Variants in PAFAH1B2 observed in about 807,000 individuals in gnomAD.
PAFAH1B2 encodes the protein platelet-activating factor acetylhydrolase IB subunit alpha2.
A neutral mutation model predicts 28.0 loss-of-function variants in PAFAH1B2; 8 were observed. That is an observed-to-expected ratio of 0.29 (90% CI 0.17 to 0.52). The LOEUF is 0.52. Ranked by LOEUF, PAFAH1B2 falls within the 20% of genes least tolerant of loss-of-function variation. The pLI, the probability that PAFAH1B2 is intolerant of heterozygous loss-of-function variation, is 0.97. For synonymous variants in PAFAH1B2, 104 were observed against 103.2 expected, an observed-to-expected ratio of 1.01 and a Z score of -0.05; for missense variants, 190 against 282.6, an observed-to-expected ratio of 0.67 and a Z score of 2.35.
chr11:117,159,736 GA>G (rs369169854), intron 2 of PAFAH1B2, 197 bp from the exon 3 acceptor site: 52,928 of 394,878 alleles, frequency 0.13, 94 homozygotes, highest in East Asian at 0.15. Flanking sequence ...CGCTGTCTTA[GA>G]AAAAAAAAAA....
downstream of PAFAH1B2, among the ~76,000 whole-genome samples, chr11:117,173,873 T>C (rs1232782273): frequency 1.3e-5 from 2 of 152,242 alleles, no homozygotes; most frequent in African/African-American, 2.4e-5. Flanking sequence ...GAGCTGCTTA[T>C]GTCTGGGACA....
chr11:117,153,066 A>C (rs1956187729), intron 2 of PAFAH1B2, among the ~76,000 whole-genome samples: 1 of 152,180 alleles, frequency 6.6e-6, no homozygotes, highest in Non-Finnish European at 1.5e-5. Context: ...CTGCATCTCA[A>C]AACAAACAAA....
At chr11:117,151,225 TTC>T (rs1246562001) in intron 1 of PAFAH1B2, among the ~76,000 whole-genome samples, 6 of 65,350 alleles carry the variant, frequency 9.2e-5, no homozygotes, top group African/African-American at 6.0e-5. Context: ...CTAAAATTTT[TTC>T]TTTTTCTTTT....
In PAFAH1B2 at chr11:117,169,519, C is replaced by G. The variant is rs768229136; in HGVS notation, c.*1820C>G. Reference sequence around the variant, plus strand: ...AGGGCTTACTGATGCGTGCTAAGACCGATTTCTGATTGAGGGATGAACCTT... The same window carrying G: ...AGGGCTTACTGATGCGTGCTAAGACGGATTTCTGATTGAGGGATGAACCTT... On this transcript the variant is annotated 3_prime_UTR_variant, in exon 6 of 6. Coordinates refer to ENST00000527958, the MANE Select transcript of PAFAH1B2 (RefSeq NM_002572.4). 4.7e-6 allele frequency: 5 copies of G among 1,054,304 alleles called. No homozygotes were observed. Among genetic ancestry groups the G allele is most frequent in the African/African-American group, 1.7e-5 (1 of 60,410 alleles). The allele number at this position is 1,054,304 out of a possible 1,614,324, so 65.3% of individuals were successfully genotyped here. A position where few individuals can be genotyped will look rare whatever the true frequency, so the allele number is the denominator to read the frequency against.
In PAFAH1B2 at chr11:117,168,446, G is replaced by GTTTTTTGTTT. The variant is rs1956565765; in HGVS notation, c.*753_*754insGTTTTTTTTT. On this transcript the variant is annotated 3_prime_UTR_variant, in exon 6 of 6. Transcript: ENST00000527958. ...TCCCCTTCATTCCCCCCGCCACCCC[G>GTTTTTTGTTT]TTTTTTTTTTTTTTTTTTTTTTTTT... 3.3e-4 allele frequency: 79 copies of GTTTTTTGTTT among 235,916 alleles called. No homozygotes were observed. Among genetic ancestry groups the GTTTTTTGTTT allele is most frequent in the Admixed American group, 1.4e-3 (2 of 1,394 alleles). The allele number at this position is 235,916 out of a possible 1,614,324, so 14.6% of individuals were successfully genotyped here. A position where few individuals can be genotyped will look rare whatever the true frequency, so the allele number is the denominator to read the frequency against.
At chr11:117,172,806 T>C (rs950111606), downstream of PAFAH1B2, among the ~76,000 whole-genome samples, 1 of 152,158 alleles carries the variant, frequency 6.6e-6, no homozygotes, top group African/African-American at 2.4e-5. Context: ...TGGATTCATG[T>C]AGTTCATGTG....
chr11:117,149,718 C>A (rs1305553996), intron 1 of PAFAH1B2, among the ~76,000 whole-genome samples: 1 of 151,904 alleles, frequency 6.6e-6, no homozygotes. Context: ...AGGTGTGAGC[C>A]ACCGTGCCCG....
chr11:117,172,384 ATATATATATATATATATATATTTTTT>A (rs1191296126), downstream of PAFAH1B2, among the ~76,000 whole-genome samples: 8 of 1,962 alleles, frequency 4.1e-3, 1 homozygote, highest in Admixed American at 0.04. Flanking sequence ...ATATATATAT[ATATATATATATATATATATATTTTTT>A]TTTTTTTTTT....
At chr11:117,164,819 A>G (rs1739110670) in intron 5 of PAFAH1B2, among the ~76,000 whole-genome samples, 1 of 151,874 alleles carries the variant, frequency 6.6e-6, no homozygotes, top group African/African-American at 2.4e-5. Context: ...GTGGATCACA[A>G]GGTCAGGATT....
chr11:117,175,408 G>A, downstream of PAFAH1B2: 1 of 1,071,346 alleles, frequency 9.3e-7, no homozygotes, highest in Non-Finnish European at 1.1e-6. Context: ...ACTGAGGAAA[G>A]TTCTGCAGAC....
Position 117,168,224 on chromosome 11 carries a change from G to T in PAFAH1B2, c.*525G>T. 1 of 1,058,210 alleles carries T rather than the reference G, an allele frequency of 9.4e-7. No individual in the cohort carries two copies. Among genetic ancestry groups the T allele is most frequent in the Non-Finnish European group, 1.1e-6 (1 of 874,150 alleles). The allele number at this position is 1,058,210 out of a possible 1,614,324, so 65.6% of individuals were successfully genotyped here. ...CATCAGGTTGAACATGCTTGTCATT[G>T]ATATATGGAAGATGCTATAGTTAGA... On this transcript the variant is annotated 3_prime_UTR_variant, in exon 6 of 6. Coordinates refer to ENST00000527958, the MANE Select transcript of PAFAH1B2 (RefSeq NM_002572.4).
At chr11:117,150,395 C>G (rs1313054784) in intron 1 of PAFAH1B2, among the ~76,000 whole-genome samples, 2 of 151,584 alleles carry the variant, frequency 1.3e-5, no homozygotes, top group Non-Finnish European at 2.9e-5. Context: ...AGCGATCCAC[C>G]TGCTTTGGCT....
At chr11:117,165,668 C>A (rs778646788) in intron 5 of PAFAH1B2, among the ~76,000 whole-genome samples, 14 of 152,070 alleles carry the variant, frequency 9.2e-5, no homozygotes, top group Non-Finnish European at 8.8e-5. Context: ...TCAAAGACTT[C>A]ATTGGTTTCC....
chr11:117,160,582 G>C (rs914381653), intron 3 of PAFAH1B2, among the ~76,000 whole-genome samples: 3 of 152,240 alleles, frequency 2.0e-5, no homozygotes, highest in African/African-American at 7.2e-5. Context: ...CTCAGCCCCT[G>C]AGTAGTTGGG....
chr11:117,168,445 C>CGTTTGTG lies in PAFAH1B2; in HGVS notation c.*750_*751insGTGGTTT. On this transcript the variant is annotated 3_prime_UTR_variant, in exon 6 of 6. Transcript: ENST00000527958. ...TTCCCCTTCATTCCCCCCGCCACCCCGTTTTTTTTTTTTTTTTTTTTTTTT... is the reference window on the plus strand; with the variant it reads ...TTCCCCTTCATTCCCCCCGCCACCCCGTTTGTGGTTTTTTTTTTTTTTTTTTTTTTTT... 1 of 353,516 alleles carries CGTTTGTG rather than the reference C, an allele frequency of 2.8e-6. No homozygotes were observed. The highest frequency in any genetic ancestry group is 3.4e-6 in the Non-Finnish European group (1 of 293,044). The allele number at this position is 353,516 out of a possible 1,614,324, so 21.9% of individuals were successfully genotyped here. A position where few individuals can be genotyped will look rare whatever the true frequency, so the allele number is the denominator to read the frequency against.
At chr11:117,173,065 A>G (rs1299505846), downstream of PAFAH1B2, among the ~76,000 whole-genome samples, 2 of 152,208 alleles carry the variant, frequency 1.3e-5, no homozygotes, top group Admixed American at 6.5e-5. Context: ...GAGCTGGCTC[A>G]TTTTTATCGG....
intron 2 of PAFAH1B2, among the ~76,000 whole-genome samples, chr11:117,158,440 G>A (rs1956300326): frequency 6.6e-6 from 1 of 152,088 alleles, no homozygotes; most frequent in African/African-American, 2.4e-5. Context: ...GACTGAAAAG[G>A]ATTGAGTCCT....
At chr11:117,161,564 A>C (rs1042690067) in intron 4 of PAFAH1B2, among the ~76,000 whole-genome samples, 5 of 148,716 alleles carry the variant, frequency 3.4e-5, no homozygotes, top group African/African-American at 1.2e-4. Flanking sequence ...GCTAGAGTGC[A>C]GTGGTGTGAT....
chr11:117,165,931 C>T (rs1281643288), intron 5 of PAFAH1B2, among the ~76,000 whole-genome samples: 1 of 151,906 alleles, frequency 6.6e-6, no homozygotes. Flanking sequence ...CCTCCGCCTC[C>T]CGGGTTCAAG....
Sources: gnomAD v4.1 joint callset for allele counts (sites outside exome capture counted in the v4.1 genomes callset) on GRCh38, gnomAD v4.1.1 for gene constraint, MANE v1.5 for transcripts, NCBI Gene and HGNC (gene_info 2026-07-23, HGNC 2026-07-21) for gene names.